Variants in COLQ observed in about 807,000 individuals in gnomAD.
COLQ encodes the protein acetylcholinesterase collagenic tail peptide.
In COLQ, 48 loss-of-function variants were observed where a neutral mutation model predicts 69.0. The observed-to-expected ratio is 0.70, with a 90% confidence interval of 0.55 to 0.88. COLQ has a LOEUF of 0.88. COLQ is among the 40% of genes least tolerant of loss of function. The pLI is 0.00. For missense variants in COLQ, 618 were observed against 594.6 expected (o/e 1.04, Z -0.41); for synonymous variants, 217 against 211.2 (o/e 1.03, Z -0.24).
chr3:15,457,116 G>A (rs762942754), intron 13 of COLQ, among the ~76,000 whole-genome samples: 3 of 152,042 alleles, frequency 2.0e-5, no homozygotes, highest in Admixed American at 1.3e-4. Context: ...GAGCCACCGC[G>A]CCCGGCCTCG....
At chr3:15,462,421 T>C (rs913191141) in intron 12 of COLQ, among the ~76,000 whole-genome samples, 2 of 152,176 alleles carry the variant, frequency 1.3e-5, no homozygotes, top group African/African-American at 2.4e-5. Context: ...CATCTTCTCT[T>C]TACCTTCTTC....
At chr3:15,491,093 C>T (rs1347167147) in intron 1 of COLQ, among the ~76,000 whole-genome samples, 1 of 151,624 alleles carries the variant, frequency 6.6e-6, no homozygotes, top group Non-Finnish European at 1.5e-5. Context: ...GCAAATTTTT[C>T]AAGATAAACG....
intron 16 of COLQ, among the ~76,000 whole-genome samples, chr3:15,452,154 C>T (rs1421647034): frequency 2.7e-5 from 4 of 150,620 alleles, no homozygotes; most frequent in Admixed American, 6.6e-5. Context: ...GCAGCCTCTG[C>T]CTCCCAGGTT....
intron 14 of COLQ, 117 bp from the exon 15 acceptor site, chr3:15,456,136 C>T: frequency 8.0e-7 from 1 of 1,252,758 alleles, no homozygotes; most frequent in East Asian, 2.5e-5. Context: ...TGACTTCCTC[C>T]CAGGGGTGGG....
chr3:15,474,832 A>C, intron 8 of COLQ, 93 bp downstream of exon 8: 1 of 1,443,506 alleles, frequency 6.9e-7, no homozygotes, highest in South Asian at 1.1e-5. Context: ...TTGCAGACTA[A>C]AGAGAGACCT....
intron 1 of COLQ, among the ~76,000 whole-genome samples, chr3:15,518,501 G>A (rs2063091960): frequency 6.6e-6 from 1 of 152,178 alleles, no homozygotes; most frequent in Non-Finnish European, 1.5e-5. Flanking sequence ...GTGCTTTAGC[G>A]ATGGCATTTC....
At chr3:15,507,394 G>A (rs1021057758) in intron 1 of COLQ, among the ~76,000 whole-genome samples, 1 of 152,194 alleles carries the variant, frequency 6.6e-6, no homozygotes, top group African/African-American at 2.4e-5. Flanking sequence ...TAGGAGCAGT[G>A]GATGAGAGTG....
At chr3:15,475,114 T>C in intron 7 of COLQ, 163 bp from the exon 8 acceptor site, 3 of 803,218 alleles carry the variant, frequency 3.7e-6, no homozygotes, top group South Asian at 3.0e-5. Flanking sequence ...TCCCAGAGGG[T>C]TGTGGTTATA....
At chr3:15,455,228 C>T (rs922890335) in intron 15 of COLQ, among the ~76,000 whole-genome samples, 1 of 152,158 alleles carries the variant, frequency 6.6e-6, no homozygotes, top group Non-Finnish European at 1.5e-5. Context: ...CCCCCATTAC[C>T]CCACCCACCA....
chr3:15,491,280 T>C lies in COLQ; in HGVS notation c.107-1643A>G, dbSNP rs190638523. On this transcript the variant is annotated intron_variant, in intron 1 of 16. Coordinates refer to ENST00000383788, the MANE Select transcript of COLQ (RefSeq NM_005677.4). The stretch of plus-strand genomic sequence containing the variant: ...CAATATCCATAATCACCCAAAGCTA[T>C]GGTTTTTCAGTTCTCAGTTTTGGTG... Among the ~76,000 whole-genome samples, 61 of 152,326 alleles carry C rather than the reference T, an allele frequency of 4.0e-4. No homozygotes were observed. The East Asian group carries it at 0.011, about 27-fold the overall frequency.
intron 13 of COLQ, among the ~76,000 whole-genome samples, chr3:15,457,020 G>A (rs1042966805): frequency 9.2e-5 from 14 of 151,980 alleles, no homozygotes; most frequent in African/African-American, 3.4e-4. Flanking sequence ...ATAGGGTTTC[G>A]CCATGTTGGC....
At chr3:15,459,124 G>A (rs1292220349) in intron 12 of COLQ, among the ~76,000 whole-genome samples, 1 of 152,166 alleles carries the variant, frequency 6.6e-6, no homozygotes, top group Admixed American at 6.5e-5. Flanking sequence ...GATTACAGGC[G>A]TGAGCCACCA....
intron 1 of COLQ, among the ~76,000 whole-genome samples, chr3:15,508,387 T>C (rs139113768): frequency 1.3e-3 from 200 of 152,326 alleles, no homozygotes; most frequent in African/African-American, 4.7e-3. Flanking sequence ...CTCAAATAAG[T>C]GCCCAGGTAA....
intron 1 of COLQ, among the ~76,000 whole-genome samples, 197 bp downstream of exon 1, chr3:15,521,322 GC>G (rs1430135882): frequency 6.6e-6 from 1 of 152,204 alleles, no homozygotes; most frequent in Non-Finnish European, 1.5e-5. Context: ...CCAGGTAGGA[GC>G]CGGTTGGAAC....
chr3:15,509,504 G>T (rs2062955185), intron 1 of COLQ, among the ~76,000 whole-genome samples: 1 of 152,168 alleles, frequency 6.6e-6, no homozygotes, highest in Admixed American at 6.5e-5. Flanking sequence ...TGTGAACTTT[G>T]CTGGTTAGCA....
rs188438156 is a variant in COLQ at position 15,509,764 on chromosome 3, G to C, written c.106+11756C>G. Among the ~76,000 whole-genome samples the C allele has an allele frequency of 3.3e-5, 5 of 152,320 alleles. No individual in the cohort carries two copies. The East Asian group carries it at 7.7e-4, about 24-fold the overall frequency. Reference sequence around the variant, plus strand: ...TGATATCCAAGGTCCTGTGGAGTTGGGATTCTGAACCCAGACCTCCGGTTC... The same window carrying C: ...TGATATCCAAGGTCCTGTGGAGTTGCGATTCTGAACCCAGACCTCCGGTTC... On this transcript the variant is annotated intron_variant, in intron 1 of 16. Transcript: ENST00000383788.
chr3:15,510,114 T>C (rs1559532823), intron 1 of COLQ, among the ~76,000 whole-genome samples: 1 of 151,842 alleles, frequency 6.6e-6, no homozygotes, highest in Non-Finnish European at 1.5e-5. Context: ...AGGCAGAGCT[T>C]GCAGTGAGCC....
chr3:15,453,977 A>G lies in COLQ; in HGVS notation c.1196-46T>C, dbSNP rs558548890. 13 of 1,389,734 alleles carry G rather than the reference A, an allele frequency of 9.4e-6. No homozygotes were observed. In the African/African-American group the frequency reaches 1.7e-4, roughly 18 times the overall value. 86.1% of individuals were successfully genotyped at this position (1,389,734 alleles called of 1,614,324 possible). A position where few individuals can be genotyped will look rare whatever the true frequency, so the allele number is the denominator to read the frequency against. On this transcript the variant is annotated intron_variant, in intron 15 of 16. Coordinates refer to ENST00000383788, the MANE Select transcript of COLQ (RefSeq NM_005677.4). Reference sequence around the variant, plus strand: ...GCAGTCTTGAGAAGGAGCAGAGGCGATAGGCTTGCCTCAGCTTGTAAGGAC... The same window carrying G: ...GCAGTCTTGAGAAGGAGCAGAGGCGGTAGGCTTGCCTCAGCTTGTAAGGAC...
chr3:15,472,342 A>C (rs764627330), intron 10 of COLQ, among the ~76,000 whole-genome samples: 68 of 152,290 alleles, frequency 4.5e-4, no homozygotes, highest in Non-Finnish European at 6.0e-4. Context: ...CACCCTACCT[A>C]GGGTAGCAGA....
Sources: gnomAD v4.1 joint callset for allele counts (sites outside exome capture counted in the v4.1 genomes callset) on GRCh38, gnomAD v4.1.1 for gene constraint, MANE v1.5 for transcripts, NCBI Gene and HGNC (gene_info 2026-07-23, HGNC 2026-07-21) for gene names.